MAP2K5: variants seen among roughly 807,000 people sequenced by gnomAD.
MAP2K5 encodes the protein dual specificity mitogen-activated protein kinase kinase 5.
A neutral mutation model predicts 83.1 loss-of-function variants in MAP2K5; 49 were observed. The observed-to-expected ratio is 0.59, with a 90% CI of 0.47 to 0.75. The LOEUF (loss-of-function observed/expected upper bound fraction) is 0.75, where lower values mean the gene tolerates loss of function less well. Ranked by LOEUF, MAP2K5 falls within the 30% of genes least tolerant of loss-of-function variation. The pLI, the probability that MAP2K5 is intolerant of heterozygous loss-of-function variation, is 0.00. For synonymous variants in MAP2K5, 202 were observed against 191.8 expected (o/e 1.05, Z -0.44); for missense variants, 457 against 557.5 (o/e 0.82, Z 1.82).
Position 67,543,172 on chromosome 15 carries a change from G to C in MAP2K5, c.-164G>C. On this transcript the variant is annotated 5_prime_UTR_variant, in exon 1 of 22. Transcript: ENST00000178640. This position sits in a 1 kb window ranked among gnomAD's most constrained non-coding sequence, Gnocchi z 4.3. The stretch of plus-strand genomic sequence containing the variant: ...GGGCAGGCTCGGTGCCTGCGGGTGC[G>C]TTCCTGATCACCCCTCCCCTCTTCC... 1.5e-6 allele frequency: 1 copy of C among 681,312 alleles called. No homozygotes were observed. The highest frequency in any genetic ancestry group is 1.9e-5 in the South Asian group (1 of 53,126). 42.2% of individuals were successfully genotyped at this position (681,312 alleles called of 1,614,324 possible).
chr15:67,714,413 GGAAAAAAAAAAAAAAAAAAA>G (rs2088779150), intron 16 of MAP2K5, among the ~76,000 whole-genome samples: 8 of 42,692 alleles, frequency 1.9e-4, no homozygotes, highest in East Asian at 2.0e-3. Flanking sequence ...CAGCTGCCAG[GGAAAAAAAAAAAAAAAAAAA>G]AAAAAAAAAA....
In MAP2K5 at chr15:67,720,779, A is replaced by G. The variant is rs1469597915; in HGVS notation, c.1045-7137A>G. ...TTGCTTCAGTGGCTCGAAAGCACAT[A>G]TGCTCCAGTCACAGCTAAACTTTGC... On this transcript the variant is annotated intron_variant, in intron 16 of 21. Transcript: ENST00000178640. This position sits in a 1 kb window ranked among gnomAD's most constrained non-coding sequence, Gnocchi z 5.7. Among the ~76,000 whole-genome samples, 1 of 152,214 alleles carries G rather than the reference A, an allele frequency of 6.6e-6. No individual in the cohort carries two copies. Among genetic ancestry groups the G allele is most frequent in the African/African-American group, 2.4e-5 (1 of 41,452 alleles).
rs1372465786 is a variant in MAP2K5 at position 67,775,988 on chromosome 15, T to C, written c.1242+3236T>C. On this transcript the variant is annotated intron_variant, in intron 21 of 21. Coordinates refer to ENST00000178640, the MANE Select transcript of MAP2K5 (RefSeq NM_145160.3). This position sits in a 1 kb window ranked among gnomAD's most constrained non-coding sequence, Gnocchi z 5.3. ...AGGAACCCTGGGAACACCACACTTA[T>C]CCACATGGATCTTTTTTCTTGAGTG... 1.2e-4 allele frequency among the ~76,000 whole-genome samples: 18 copies of C among 152,208 alleles called. No individual in the cohort carries two copies.
intron 17 of MAP2K5, among the ~76,000 whole-genome samples, chr15:67,732,825 C>G (rs1262354381): frequency 1.3e-5 from 2 of 152,104 alleles, no homozygotes; most frequent in African/African-American, 4.8e-5. Flanking sequence ...ATTTAGGGTT[C>G]CTGGTGCATC....
chr15:67,621,389 A>T lies in MAP2K5; in HGVS notation c.546-9499A>T, dbSNP rs536325188. ...ATCAAGAAGGTGGGACAGGGAATAA[A>T]CCCAAAGAAAGTGGAAGGAAAGAAA... is the stretch of plus-strand genomic sequence containing the variant. On this transcript the variant is annotated intron_variant, in intron 8 of 21. Transcript: ENST00000178640. Among the ~76,000 whole-genome samples the T allele has an allele frequency of 2.0e-5, 3 of 150,070 alleles. No homozygotes were observed. In the East Asian group the frequency reaches 5.9e-4, roughly 30 times the overall value.
At chr15:67,596,294 T>A (rs765445181) in intron 7 of MAP2K5, among the ~76,000 whole-genome samples, 1 of 152,092 alleles carries the variant, frequency 6.6e-6, no homozygotes, top group Non-Finnish European at 1.5e-5. Context: ...TGGCGGCCCA[T>A]GCCCAGCTAC....
At chr15:67,648,731 C>T (rs916453229) in intron 11 of MAP2K5, among the ~76,000 whole-genome samples, 28 of 152,076 alleles carry the variant, frequency 1.8e-4, no homozygotes, top group African/African-American at 6.3e-4. Flanking sequence ...ACTACAGGCG[C>T]GTGCCACCAT....
chr15:67,693,867 C>T (rs1336284916), intron 15 of MAP2K5, among the ~76,000 whole-genome samples: 1 of 152,000 alleles, frequency 6.6e-6, no homozygotes, highest in African/African-American at 2.4e-5. Context: ...CACTTTTCCA[C>T]ATTTCTTATT....
At chr15:67,740,417 A>G (rs1332284876) in intron 17 of MAP2K5, among the ~76,000 whole-genome samples, 1 of 152,116 alleles carries the variant, frequency 6.6e-6, no homozygotes, top group African/African-American at 2.4e-5. Context: ...ATACCTGAGC[A>G]TAACACCTTC....
intron 16 of MAP2K5, among the ~76,000 whole-genome samples, chr15:67,710,496 AG>A (rs2088663734): frequency 2.4e-5 from 3 of 127,158 alleles, no homozygotes; most frequent in African/African-American, 8.6e-5. Context: ...CATCTTCTGA[AG>A]TTTTTTTTTT....
At chr15:67,766,103 CTG>C (rs2090036566) in intron 19 of MAP2K5, among the ~76,000 whole-genome samples, 1 of 152,224 alleles carries the variant, frequency 6.6e-6, no homozygotes, top group Non-Finnish European at 1.5e-5. Context: ...GGCTTGGAAA[CTG>C]TCCTCCTCGA....
At position 67,802,556 on chromosome 15, in the gene MAP2K5, A is replaced by G. The variant is rs916915446; in HGVS notation, c.1243-4090A>G. 2.6e-5 allele frequency among the ~76,000 whole-genome samples: 4 copies of G among 152,232 alleles called. No individual in the cohort carries two copies. The highest frequency in any genetic ancestry group is 9.6e-5 in the African/African-American group (4 of 41,460). ...GTTGCAATTGGCCCTCAGAGAATCC[A>G]GGGAATGAGAGTGGCTCTCACTGCC... On this transcript the variant is annotated intron_variant, in intron 21 of 21. Transcript: ENST00000178640. This position sits in a 1 kb window ranked among gnomAD's most constrained non-coding sequence, Gnocchi z 5.0.
At chr15:67,771,074 C>T (rs569537818) in intron 20 of MAP2K5, among the ~76,000 whole-genome samples, 1 of 152,196 alleles carries the variant, frequency 6.6e-6, no homozygotes, top group Admixed American at 6.5e-5. Flanking sequence ...GAACCATTAC[C>T]CAGAAATGTA....
rs998418280 is a variant in MAP2K5 at position 67,778,716 on chromosome 15, C to T, written c.1242+5964C>T. 2.0e-4 allele frequency among the ~76,000 whole-genome samples: 30 copies of T among 152,114 alleles called. No individual in the cohort carries two copies. The highest frequency in any genetic ancestry group is 9.8e-4 in the Admixed American group (15 of 15,278). Reference sequence around the variant, plus strand: ...TACCTGTTACTGTTTACTAGAAGCACGGGGCTCAGATCAATTCAAAATGAT... The same window carrying T: ...TACCTGTTACTGTTTACTAGAAGCATGGGGCTCAGATCAATTCAAAATGAT... On this transcript the variant is annotated intron_variant, in intron 21 of 21. Transcript: ENST00000178640. This position sits in a 1 kb window ranked among gnomAD's most constrained non-coding sequence, Gnocchi z 5.0.
rs904208077 is a variant in MAP2K5 at position 67,783,760 on chromosome 15, T to C, written c.1242+11008T>C. Among the ~76,000 whole-genome samples the C allele has an allele frequency of 2.0e-5, 3 of 152,212 alleles. No homozygotes were observed. Among genetic ancestry groups the C allele is most frequent in the African/African-American group, 7.2e-5 (3 of 41,460 alleles). The stretch of plus-strand genomic sequence containing the variant: ...TATGAATTTAACAAGTGAAATGAAT[T>C]TCTGCTAGGGGTATCTGGGGAGGCT... On this transcript the variant is annotated intron_variant, in intron 21 of 21. Transcript: ENST00000178640. This position sits in a 1 kb window ranked among gnomAD's most constrained non-coding sequence, Gnocchi z 5.1.
At chr15:67,558,843 A>T (rs1314124886) in intron 2 of MAP2K5, among the ~76,000 whole-genome samples, 1 of 152,188 alleles carries the variant, frequency 6.6e-6, no homozygotes, top group Non-Finnish European at 1.5e-5. Context: ...TGTATGTTCC[A>T]TGAAGGCAGG....
In MAP2K5 at chr15:67,783,546, C is replaced by G. The variant is rs2090365669; in HGVS notation, c.1242+10794C>G. Among the ~76,000 whole-genome samples, 1 of 152,178 alleles carries G rather than the reference C, an allele frequency of 6.6e-6. No homozygotes were observed. Among genetic ancestry groups the G allele is most frequent in the South Asian group, 2.1e-4 (1 of 4,830 alleles). On this transcript the variant is annotated intron_variant, in intron 21 of 21. Coordinates refer to ENST00000178640, the MANE Select transcript of MAP2K5 (RefSeq NM_145160.3). This position sits in a 1 kb window ranked among gnomAD's most constrained non-coding sequence, Gnocchi z 5.1. ...TGAGGACTTCCTTTTGCCTGTCACC[C>G]TTCACCCTGGCTAATACTTCTGTTA...
At chr15:67,606,458 A>G (rs530842280) in intron 8 of MAP2K5, among the ~76,000 whole-genome samples, 1 of 152,324 alleles carries the variant, frequency 6.6e-6, no homozygotes, top group African/African-American at 2.4e-5. Context: ...TGAAGGTTGA[A>G]TGTATACCAT....
chr15:67,671,769 G>A (rs1399515008), intron 13 of MAP2K5, among the ~76,000 whole-genome samples: 4 of 148,846 alleles, frequency 2.7e-5, no homozygotes, highest in African/African-American at 4.9e-5. Context: ...CCATTAACTC[G>A]TCATTTAGCA....
Sources: allele counts gnomAD v4.1 joint callset (sites outside exome capture counted in the v4.1 genomes callset), GRCh38; gene constraint gnomAD v4.1.1; non-coding constraint Gnocchi (gnomAD v3.1); transcripts MANE v1.5; gene names NCBI Gene and HGNC (gene_info 2026-07-23, HGNC 2026-07-21).